PRMT8: variants seen among roughly 807,000 people sequenced by gnomAD.
The protein encoded by PRMT8 is protein arginine N-methyltransferase 8.
Under a neutral mutation model 47.1 loss-of-function variants are expected in PRMT8, and 7 were observed. The observed-to-expected ratio is 0.15, with a 90% CI of 0.08 to 0.28. The LOEUF is 0.28. PRMT8 is among the 10% of genes least tolerant of loss of function. PRMT8 has a pLI of 1.00. For missense variants in PRMT8, 237 were observed against 505.4 expected (o/e 0.47, Z 5.09); for synonymous variants, 188 against 186.5 (o/e 1.01, Z -0.07).
chr12:3,418,170 C>A (rs1864502709), intron 1 of PRMT8, among the ~76,000 whole-genome samples: 1 of 152,234 alleles, frequency 6.6e-6, no homozygotes. Flanking sequence ...AGGCCCCAGC[C>A]AAGTGCAGAA....
intron 1 of PRMT8, among the ~76,000 whole-genome samples, chr12:3,461,662 G>T (rs1865042778): frequency 1.3e-5 from 2 of 152,172 alleles, no homozygotes; most frequent in Non-Finnish European, 2.9e-5. Flanking sequence ...CTCAGAGCAG[G>T]AAGTCCTCTC....
intron 1 of PRMT8, among the ~76,000 whole-genome samples, chr12:3,521,351 A>T (rs1193948506): frequency 1.3e-5 from 2 of 152,182 alleles, no homozygotes; most frequent in African/African-American, 4.8e-5. Flanking sequence ...AGGCAGGCGG[A>T]TCACTTGAGG....
intron 1 of PRMT8, among the ~76,000 whole-genome samples, chr12:3,401,202 T>G (rs1591539149): frequency 7.5e-6 from 1 of 133,268 alleles, no homozygotes; most frequent in Non-Finnish European, 1.6e-5. Flanking sequence ...ATTCATCACA[T>G]AAACAGAACT....
At chr12:3,415,073 C>T (rs1191515301) in intron 1 of PRMT8, among the ~76,000 whole-genome samples, 4 of 152,110 alleles carry the variant, frequency 2.6e-5, no homozygotes, top group Non-Finnish European at 5.9e-5. Context: ...TTCTGACCCA[C>T]CGGCTATACA....
At chr12:3,548,964 T>TACA (rs1168345969) in intron 2 of PRMT8, among the ~76,000 whole-genome samples, 2 of 152,096 alleles carry the variant, frequency 1.3e-5, no homozygotes, top group African/African-American at 4.8e-5. Flanking sequence ...GGGAATACCA[T>TACA]ACAACAACAA....
chr12:3,553,648 C>T lies in PRMT8; in HGVS notation c.418-3C>T. On this transcript the variant is annotated splice_polypyrimidine_tract_variant and splice_region_variant and intron_variant, in intron 3 of 9. Coordinates refer to ENST00000382622, the MANE Select transcript of PRMT8 (RefSeq NM_019854.5). ...TTGCTCCTTTGTCCTATGCCCTTTC[C>T]AGATCGAATGCTCCAGTATTTCTGA... 6.2e-7 allele frequency: 1 copy of T among 1,603,376 alleles called. No homozygotes were observed. The highest frequency in any genetic ancestry group is 8.5e-7 in the Non-Finnish European group (1 of 1,170,232).
rs1026231554 is a variant in PRMT8, at chr12:3,514,540, A to G, written c.75+22840A>G. Among the ~76,000 whole-genome samples, 3 of 152,182 alleles carry G rather than the reference A, an allele frequency of 2.0e-5. No individual in the cohort carries two copies. The highest frequency in any genetic ancestry group is 7.2e-5 in the African/African-American group (3 of 41,446). On this transcript the variant is annotated intron_variant, in intron 1 of 9. Coordinates refer to ENST00000382622, the MANE Select transcript of PRMT8 (RefSeq NM_019854.5). This position sits in a 1 kb window ranked among gnomAD's most constrained non-coding sequence, Gnocchi z 5.9. ...CTGCCTCCAAGTGGAATGTAAATAC[A>G]TAACACGTGGAGCCTTTTTTCTGAG...
rs1025928163 is a variant in PRMT8 at position 3,556,178 on chromosome 12, G to T, written c.481+2464G>T. Among the ~76,000 whole-genome samples, 23 of 152,090 alleles carry T rather than the reference G, an allele frequency of 1.5e-4. 1 individual carries two copies. The highest frequency in any genetic ancestry group is 1.5e-3 in the Admixed American group (23 of 15,270). On this transcript the variant is annotated intron_variant, in intron 4 of 9. Transcript: ENST00000382622. ...TGGATACGTGCGTCCAGAATTTCAG[G>T]AAGAGCCAGACCAGGAGACTTCCAC...
At chr12:3,558,517 A>G (rs1464372306) in intron 4 of PRMT8, among the ~76,000 whole-genome samples, 1 of 152,242 alleles carries the variant, frequency 6.6e-6, no homozygotes, top group Non-Finnish European at 1.5e-5. Flanking sequence ...TGTCTGAGTA[A>G]CATCATTTGT....
chr12:3,409,117 C>T lies in PRMT8; in HGVS notation c.48+27675C>T, dbSNP rs1345773273. Among the ~76,000 whole-genome samples, 1 of 152,062 alleles carries T rather than the reference C, an allele frequency of 6.6e-6. No homozygotes were observed. The highest frequency in any genetic ancestry group is 2.4e-5 in the African/African-American group (1 of 41,406). ...CACAAACCTACTGTGGCACCTGGGA[C>T]TTGGGGTGAAGGTTCACTCTCTGTG... On this transcript the variant is annotated intron_variant, in intron 1 of 9. Transcript: ENST00000452611. This position sits in a 1 kb window ranked among gnomAD's most constrained non-coding sequence, Gnocchi z 4.4.
At chr12:3,428,157 G>A (rs1275484100) in intron 1 of PRMT8, among the ~76,000 whole-genome samples, 2 of 152,062 alleles carry the variant, frequency 1.3e-5, no homozygotes, top group Admixed American at 1.3e-4. Flanking sequence ...ACCTTTGTAT[G>A]GTAATTAAGA....
rs531046093 is a variant in PRMT8, at chr12:3,564,429, A to G, written c.482-4277A>G. Among the ~76,000 whole-genome samples, 10 of 152,348 alleles carry G rather than the reference A, an allele frequency of 6.6e-5. No homozygotes were observed. In the East Asian group the frequency reaches 1.9e-3, roughly 29 times the overall value. On this transcript the variant is annotated intron_variant, in intron 4 of 9. Transcript: ENST00000382622. This position sits in a 1 kb window ranked among gnomAD's most constrained non-coding sequence, Gnocchi z 4.0. ...ACAAAAATGACCATTAATGAGAATG[A>G]CTAGATTTCTGTAAGAACCACTCAA...
intron 1 of PRMT8, among the ~76,000 whole-genome samples, chr12:3,382,271 A>G (rs1591534023): frequency 2.0e-5 from 3 of 152,142 alleles, no homozygotes; most frequent in South Asian, 4.1e-4. Flanking sequence ...GTGGGGTCAT[A>G]TGGTTGTTGC....
Position 3,491,300 on chromosome 12 carries a change from C to T in PRMT8, c.-326C>T, listed in dbSNP as rs1865392226. On this transcript the variant is annotated 5_prime_UTR_variant, in exon 1 of 10. Transcript: ENST00000382622. ...GCCTGGAGAGGATCCGCGACCGCCGCCGCCGCCGCCGCGGAGGCTTCGGGG... is the reference window on the plus strand; with the variant it reads ...GCCTGGAGAGGATCCGCGACCGCCGTCGCCGCCGCCGCGGAGGCTTCGGGG... The T allele has an allele frequency of 2.7e-6, 3 of 1,130,398 alleles. 1 individual carries two copies. In the South Asian group the frequency reaches 9.3e-5, roughly 35 times the overall value. 70.0% of individuals were successfully genotyped at this position (1,130,398 alleles called of 1,614,324 possible).
intron 1 of PRMT8, among the ~76,000 whole-genome samples, chr12:3,454,763 C>T (rs889094250): frequency 8.5e-5 from 13 of 152,172 alleles, no homozygotes; most frequent in Admixed American, 5.2e-4. Flanking sequence ...CCTGCTTCCT[C>T]GTGTTGTTTG....
Position 3,540,621 on chromosome 12 carries a change from T to TACCCC in PRMT8, c.91_92insACCCC (p.Ser31TyrfsTer37). 9.9e-6 allele frequency: 4 copies of TACCCC among 405,666 alleles called. No homozygotes were observed. The highest frequency in any genetic ancestry group is 1.6e-5 in the Non-Finnish European group (4 of 242,478). 25.1% of individuals were successfully genotyped at this position (405,666 alleles called of 1,614,324 possible). A position where few individuals can be genotyped will look rare whatever the true frequency, so the allele number is the denominator to read the frequency against. On this transcript the variant is annotated frameshift_variant, in exon 2 of 10. Transcript: ENST00000382622. LOFTEE classifies it high-confidence loss of function. ...TTCCCCTCAGGTGAACAGCCCCCCC[T>TACCCC]CCCAGCCCCCCCAGCCCGTCGTCCC...
At chr12:3,484,808 T>C in intron 1 of PRMT8, among the ~76,000 whole-genome samples, 1 of 152,196 alleles carries the variant, frequency 6.6e-6, no homozygotes, top group East Asian at 1.9e-4. Context: ...AAGGCTTCCT[T>C]AGGTTGAGGG....
intron 1 of PRMT8, among the ~76,000 whole-genome samples, chr12:3,432,751 C>CT (rs1022739065): frequency 6.6e-6 from 1 of 152,020 alleles, no homozygotes; most frequent in East Asian, 1.9e-4. Context: ...AGAAAAAATT[C>CT]TTTTTTTGTG....
At chr12:3,431,411 C>T (rs914379450) in intron 1 of PRMT8, among the ~76,000 whole-genome samples, 1 of 152,156 alleles carries the variant, frequency 6.6e-6, no homozygotes, top group Non-Finnish European at 1.5e-5. Flanking sequence ...GAATGACTTC[C>T]AGAAGGCAGA....
Sources: gnomAD v4.1 joint callset for allele counts (sites outside exome capture counted in the v4.1 genomes callset) on GRCh38, gnomAD v4.1.1 for gene constraint, Gnocchi (gnomAD v3.1) non-coding constraint, MANE v1.5 for transcripts, NCBI Gene and HGNC (gene_info 2026-07-23, HGNC 2026-07-21) for gene names.